CREB5: variants seen among roughly 807,000 people sequenced by gnomAD.
The protein encoded by CREB5 is cAMP responsive element binding protein 5.
A neutral mutation model predicts 57.1 loss-of-function variants in CREB5; 19 were observed. The ratio of observed to expected loss-of-function variants is 0.33; its 90% confidence interval spans 0.23 to 0.49. The LOEUF (loss-of-function observed/expected upper bound fraction) is 0.49, where lower values mean the gene tolerates loss of function less well. Ranked by LOEUF, CREB5 falls within the 20% of genes least tolerant of loss-of-function variation. The pLI is 0.99. For missense variants in CREB5, 579 were observed against 671.6 expected (o/e 0.86, Z 1.52); for synonymous variants, 238 against 238.3 (o/e 1.00, Z 0.01).
At chr7:28,698,961 T>C (rs1317525329) in intron 5 of CREB5, among the ~76,000 whole-genome samples, 1 of 152,206 alleles carries the variant, frequency 6.6e-6, no homozygotes, top group Admixed American at 6.5e-5. Flanking sequence ...GCTGACCCTT[T>C]TACAGCCTCA....
intron 1 of CREB5, among the ~76,000 whole-genome samples, chr7:28,325,433 C>T (rs543544281): frequency 5.5e-4 from 81 of 148,482 alleles, no homozygotes; most frequent in African/African-American, 2.0e-3. Context: ...CCAGCCTGGG[C>T]GACACAGCAA....
At chr7:28,360,402 G>T (rs766667748) in intron 1 of CREB5, among the ~76,000 whole-genome samples, 1 of 152,112 alleles carries the variant, frequency 6.6e-6, no homozygotes, top group Non-Finnish European at 1.5e-5. Context: ...AAGAAATTCT[G>T]TCATTTTCAA....
At chr7:28,489,710 A>G (rs1256089181) in intron 2 of CREB5, among the ~76,000 whole-genome samples, 1 of 152,212 alleles carries the variant, frequency 6.6e-6, no homozygotes, top group Non-Finnish European at 1.5e-5. Context: ...ATCAACCACT[A>G]ACTGAACAAC....
chr7:28,413,645 T>C (rs1333918666), intron 1 of CREB5, among the ~76,000 whole-genome samples: 1 of 152,196 alleles, frequency 6.6e-6, no homozygotes, highest in African/African-American at 2.4e-5. Flanking sequence ...CGGTCAGTCG[T>C]GACCTTATAT....
intron 1 of CREB5, among the ~76,000 whole-genome samples, chr7:28,365,133 AAC>A (rs1786560767): frequency 6.6e-6 from 1 of 152,192 alleles, no homozygotes; most frequent in Admixed American, 6.5e-5. Context: ...CCTCTAGAAT[AAC>A]AGTCTCAAAC....
At chr7:28,470,729 G>A (rs953879356) in intron 1 of CREB5, among the ~76,000 whole-genome samples, 4 of 151,946 alleles carry the variant, frequency 2.6e-5, no homozygotes, top group Non-Finnish European at 4.4e-5. Context: ...CCACATCCTC[G>A]CCAGCATTTG....
At chr7:28,700,034 G>A (rs1801766022) in intron 5 of CREB5, among the ~76,000 whole-genome samples, 1 of 152,190 alleles carries the variant, frequency 6.6e-6, no homozygotes, top group Non-Finnish European at 1.5e-5. Context: ...TAAATGGGAC[G>A]TACATCAGAC....
Position 28,447,341 on chromosome 7 carries a change from C to T in CREB5, c.3+34424C>T, listed in dbSNP as rs545877361. Among the ~76,000 whole-genome samples the T allele has an allele frequency of 8.5e-5, 13 of 152,302 alleles. No individual in the cohort carries two copies. In the East Asian group the frequency reaches 2.5e-3, roughly 29 times the overall value. On this transcript the variant is annotated intron_variant, in intron 1 of 10. Transcript: ENST00000357727. ...TGGTATGTTCCACTGGGACTGATCCCAAGAAATGAAGATGAGGTTTTCTAG... is the reference window on the plus strand; with the variant it reads ...TGGTATGTTCCACTGGGACTGATCCTAAGAAATGAAGATGAGGTTTTCTAG...
chr7:28,312,981 T>C (rs567255313), intron 1 of CREB5, among the ~76,000 whole-genome samples: 3 of 152,334 alleles, frequency 2.0e-5, no homozygotes, highest in African/African-American at 7.2e-5. Flanking sequence ...TCCTATCTGA[T>C]GGTTGAATGC....
intron 5 of CREB5, among the ~76,000 whole-genome samples, chr7:28,620,070 G>A (rs1227930630): frequency 6.6e-6 from 1 of 152,188 alleles, no homozygotes; most frequent in Admixed American, 6.5e-5. Context: ...TTGATGAAGT[G>A]AAGCTTCTCA....
At chr7:28,628,037 C>T (rs1798067801) in intron 5 of CREB5, among the ~76,000 whole-genome samples, 1 of 152,026 alleles carries the variant, frequency 6.6e-6, no homozygotes, top group South Asian at 2.1e-4. Flanking sequence ...CTCTCTTTTC[C>T]AGTTATTTGG....
chr7:28,410,658 A>AG, upstream of CREB5: 1 of 423,010 alleles, frequency 2.4e-6, no homozygotes. Flanking sequence ...GGCTACTTGT[A>AG]TATTTCGTTG....
At chr7:28,319,896 A>G (rs1036466415) in intron 1 of CREB5, among the ~76,000 whole-genome samples, 1 of 146,620 alleles carries the variant, frequency 6.8e-6, no homozygotes, top group African/African-American at 2.4e-5. Context: ...TTTGCTACAA[A>G]TAGTGTTTTT....
chr7:28,521,449 A>C (rs749178323), intron 4 of CREB5, among the ~76,000 whole-genome samples: 1 of 152,160 alleles, frequency 6.6e-6, no homozygotes, highest in Non-Finnish European at 1.5e-5. Context: ...GCCACATTGG[A>C]GCTCCGACTC....
intron 5 of CREB5, among the ~76,000 whole-genome samples, chr7:28,661,971 A>G (rs1486188513): frequency 6.6e-6 from 1 of 152,202 alleles, no homozygotes; most frequent in Non-Finnish European, 1.5e-5. Context: ...GTAATAGGGA[A>G]CACAGTTCTT....
intron 5 of CREB5, among the ~76,000 whole-genome samples, chr7:28,654,609 T>C: frequency 6.6e-6 from 1 of 152,234 alleles, no homozygotes; most frequent in Non-Finnish European, 1.5e-5. Context: ...CTGCATTTTG[T>C]AAGTTTGCAG....
At chr7:28,589,169 T>C (rs1164871827) in intron 5 of CREB5, among the ~76,000 whole-genome samples, 1 of 152,204 alleles carries the variant, frequency 6.6e-6, no homozygotes, top group East Asian at 1.9e-4. Context: ...CATCTATCCA[T>C]CCATCAGTCT....
intron 1 of CREB5, among the ~76,000 whole-genome samples, chr7:28,324,084 G>A (rs1002614047): frequency 3.3e-5 from 5 of 152,266 alleles, no homozygotes; most frequent in East Asian, 3.9e-4. Context: ...TTGGTCACTC[G>A]CCCACCGCTC....
chr7:28,766,719 T>C (rs1017458070), intron 7 of CREB5, among the ~76,000 whole-genome samples: 1 of 152,204 alleles, frequency 6.6e-6, no homozygotes, highest in Non-Finnish European at 1.5e-5. Flanking sequence ...ATGGCCCTTG[T>C]GGGTAACTAA....
Sources: allele counts gnomAD v4.1 joint callset (sites outside exome capture counted in the v4.1 genomes callset), GRCh38; gene constraint gnomAD v4.1.1; transcripts MANE v1.5; gene names NCBI Gene and HGNC (gene_info 2026-07-23, HGNC 2026-07-21).